GPC6: variants seen among roughly 807,000 people sequenced by gnomAD.
GPC6 encodes glypican-6.
GPC6 carries 14 observed loss-of-function variants against 55.2 expected under a neutral mutation model. The observed-to-expected ratio is 0.25, with a 90% CI of 0.17 to 0.40. The LOEUF (loss-of-function observed/expected upper bound fraction) is 0.40. GPC6 is among the 10% of genes least tolerant of loss of function. The probability of loss-of-function intolerance (pLI) is 1.00; values close to 1 mark genes in which losing one functional copy is unlikely to be tolerated. For missense variants in GPC6, 641 were observed against 708.5 expected (o/e 0.90, Z 1.08); for synonymous variants, 278 against 259.6 (o/e 1.07, Z -0.68).
At chr13:94,114,623 G>A (rs1274073996) in intron 4 of GPC6, among the ~76,000 whole-genome samples, 2 of 152,102 alleles carry the variant, frequency 1.3e-5, no homozygotes, top group African/African-American at 2.4e-5. Context: ...TTCCTCAGGT[G>A]TACGTATAGA....
In GPC6 at chr13:93,677,993, A is replaced by G. The variant is rs559585192; in HGVS notation, c.319+132572A>G. On this transcript the variant is annotated intron_variant, in intron 2 of 8. Coordinates refer to ENST00000377047, the MANE Select transcript of GPC6 (RefSeq NM_005708.5). ...AAAATTTAAATACTAAAAGGTATAAAGAGAAACATCTTTCCCACCTATGGT... is the reference window on the plus strand; with the variant it reads ...AAAATTTAAATACTAAAAGGTATAAGGAGAAACATCTTTCCCACCTATGGT... Among the ~76,000 whole-genome samples the G allele has an allele frequency of 3.3e-5, 5 of 152,312 alleles. No homozygotes were observed. In the East Asian group the frequency reaches 9.6e-4, roughly 29 times the overall value.
At chr13:94,063,921 G>A (rs962008802) in intron 4 of GPC6, among the ~76,000 whole-genome samples, 19 of 152,188 alleles carry the variant, frequency 1.2e-4, no homozygotes, top group African/African-American at 4.3e-4. Flanking sequence ...ATGGTTGGAA[G>A]CATTTTCTTA....
intron 2 of GPC6, among the ~76,000 whole-genome samples, chr13:93,762,112 A>T (rs934603876): frequency 1.3e-5 from 2 of 152,138 alleles, no homozygotes; most frequent in African/African-American, 2.4e-5. Context: ...CCCACACATA[A>T]GTGAGATTCT....
Position 93,642,992 on chromosome 13 carries a change from C to T in GPC6, c.319+97571C>T, listed in dbSNP as rs182177786. ...CTGCAAGCCTCAGTTAAAGATAAAA[C>T]GTGTTTTCATTACAACTCTGAAAAT... On this transcript the variant is annotated intron_variant, in intron 2 of 8. Transcript: ENST00000377047. Among the ~76,000 whole-genome samples, 50 of 152,134 alleles carry T rather than the reference C, an allele frequency of 3.3e-4. 2 individuals are homozygous for T. The highest frequency in any genetic ancestry group is 3.4e-3 in the Middle Eastern group (1 of 294).
At chr13:93,744,267 C>A (rs1884308960) in intron 2 of GPC6, among the ~76,000 whole-genome samples, 1 of 152,110 alleles carries the variant, frequency 6.6e-6, no homozygotes. Context: ...ATCACTGTTT[C>A]TTCTTCACTC....
At chr13:94,352,239 G>A (rs1255447230) in intron 6 of GPC6, among the ~76,000 whole-genome samples, 1 of 152,022 alleles carries the variant, frequency 6.6e-6, no homozygotes, top group Non-Finnish European at 1.5e-5. Context: ...TGTGGGAACA[G>A]GGCTGGTGAG....
intron 4 of GPC6, among the ~76,000 whole-genome samples, chr13:94,279,490 G>A (rs147952072): frequency 2.0e-3 from 308 of 151,982 alleles, no homozygotes; most frequent in African/African-American, 6.9e-3. Flanking sequence ...CCTAGCTTTT[G>A]GATTAGTTTG....
intron 4 of GPC6, among the ~76,000 whole-genome samples, chr13:94,093,767 GTTA>G (rs1885574713): frequency 6.6e-6 from 1 of 152,056 alleles, no homozygotes; most frequent in Non-Finnish European, 1.5e-5. Context: ...GGATGCAGAA[GTTA>G]TGTGAATTTA....
intron 3 of GPC6, among the ~76,000 whole-genome samples, chr13:93,864,975 C>T (rs538865616): frequency 6.6e-6 from 1 of 151,646 alleles, no homozygotes; most frequent in East Asian, 2.0e-4. Flanking sequence ...TCAAAATACA[C>T]TCAGAAATAG....
chr13:93,308,271 T>C (rs971566075), intron 1 of GPC6, among the ~76,000 whole-genome samples: 7 of 151,912 alleles, frequency 4.6e-5, no homozygotes, highest in Non-Finnish European at 2.9e-5. Context: ...GGTGACAGAG[T>C]GAGACTCCAT....
chr13:93,310,236 G>A (rs182225045), intron 1 of GPC6, among the ~76,000 whole-genome samples: 23 of 152,246 alleles, frequency 1.5e-4, no homozygotes, highest in African/African-American at 5.5e-4. Flanking sequence ...ATTTTTCAAT[G>A]CTCAGGAAAG....
intron 3 of GPC6, among the ~76,000 whole-genome samples, chr13:93,905,306 G>A (rs1025790006): frequency 3.9e-5 from 6 of 152,140 alleles, no homozygotes; most frequent in South Asian, 4.2e-4. Flanking sequence ...TTAGTAAACC[G>A]CTCTGTGAAT....
intron 3 of GPC6, among the ~76,000 whole-genome samples, chr13:94,010,496 T>C (rs1882201543): frequency 6.6e-6 from 1 of 152,188 alleles, no homozygotes; most frequent in African/African-American, 2.4e-5. Flanking sequence ...CACTTTATAA[T>C]ATGCAACATG....
At chr13:94,142,913 C>T (rs1426754876) in intron 4 of GPC6, among the ~76,000 whole-genome samples, 4 of 151,624 alleles carry the variant, frequency 2.6e-5, no homozygotes, top group Non-Finnish European at 5.9e-5. Context: ...ACAGCAACCT[C>T]TGCCTCCTGG....
intron 2 of GPC6, among the ~76,000 whole-genome samples, chr13:93,550,680 A>G (rs1198457500): frequency 6.6e-6 from 1 of 152,118 alleles, no homozygotes; most frequent in Admixed American, 6.6e-5. Flanking sequence ...TTTTTTTAAT[A>G]TATGGCCTAA....
chr13:93,689,138 G>A (rs983098293), intron 2 of GPC6, among the ~76,000 whole-genome samples: 5 of 151,886 alleles, frequency 3.3e-5, no homozygotes, highest in African/African-American at 1.2e-4. Flanking sequence ...GTCTAACCCT[G>A]CTTAGTGAAA....
chr13:93,886,252 G>A (rs1233310026), intron 3 of GPC6, among the ~76,000 whole-genome samples: 2 of 152,002 alleles, frequency 1.3e-5, no homozygotes, highest in African/African-American at 4.8e-5. Context: ...ATAATTGGAA[G>A]ACTAGAATGG....
intron 2 of GPC6, among the ~76,000 whole-genome samples, chr13:93,584,874 G>A (rs1877120245): frequency 6.6e-6 from 1 of 151,632 alleles, no homozygotes; most frequent in East Asian, 1.9e-4. Context: ...TTTTTTTGTA[G>A]ATACTGGGTT....
chr13:94,143,874 G>A (rs1278564621), intron 4 of GPC6, among the ~76,000 whole-genome samples: 4 of 152,156 alleles, frequency 2.6e-5, no homozygotes, highest in African/African-American at 9.7e-5. Flanking sequence ...CTGGGTGACA[G>A]TGAGATCTTC....
Sources: gnomAD v4.1 joint callset for allele counts (sites outside exome capture counted in the v4.1 genomes callset) on GRCh38, gnomAD v4.1.1 for gene constraint, MANE v1.5 for transcripts, NCBI Gene and HGNC (gene_info 2026-07-23, HGNC 2026-07-21) for gene names.